Variants in COL9A1 observed in about 807,000 individuals in gnomAD.
COL9A1 encodes the protein collagen alpha-1(IX) chain.
Under a neutral mutation model 142.6 loss-of-function variants are expected in COL9A1, and 104 were observed. The ratio of observed to expected loss-of-function variants is 0.73; its 90% CI spans 0.62 to 0.86. The LOEUF is 0.86. Among genes scored for constraint, COL9A1 ranks in the 40% least tolerant of loss-of-function variants. The pLI is 0.00. For synonymous variants in COL9A1, 466 were observed against 396.0 expected, an observed-to-expected ratio of 1.18 and a Z score of -2.10; for missense variants, 1,210 against 1,176.6, an observed-to-expected ratio of 1.03 and a Z score of -0.42.
At chr6:70,231,002 A>G (rs538416330) in intron 36 of COL9A1, among the ~76,000 whole-genome samples, 1 of 152,302 alleles carries the variant, frequency 6.6e-6, no homozygotes, top group East Asian at 1.9e-4. Flanking sequence ...CCTATAAGTC[A>G]TTCCCTTTCA....
chr6:70,303,028 G>A lies in COL9A1; in HGVS notation c.-104C>T. On this transcript the variant is annotated 5_prime_UTR_variant, in exon 1 of 38. Coordinates refer to ENST00000357250, the MANE Select transcript of COL9A1 (RefSeq NM_001851.6). ...CCCTTCACTGTTACCCTAGGACTAT[G>A]TGTTCTGGGCCCAGCCTTGGTCCCT... 1 of 1,260,752 alleles carries A rather than the reference G, an allele frequency of 7.9e-7. No individual in the cohort carries two copies. The highest frequency in any genetic ancestry group is 2.3e-5 in the East Asian group (1 of 43,218). 78.1% of individuals were successfully genotyped at this position (1,260,752 alleles called of 1,614,324 possible).
intron 11 of COL9A1, among the ~76,000 whole-genome samples, chr6:70,274,406 C>G (rs1030613168): frequency 2.6e-5 from 4 of 152,046 alleles, no homozygotes; most frequent in Non-Finnish European, 4.4e-5. Flanking sequence ...TGTTCCCCTT[C>G]ATGTGTCCAT....
At chr6:70,272,436 T>C (rs1772468521) in intron 12 of COL9A1, among the ~76,000 whole-genome samples, 1 of 152,174 alleles carries the variant, frequency 6.6e-6, no homozygotes, top group South Asian at 2.1e-4. Context: ...ACAGATTTTA[T>C]TCATTTGTAG....
intron 19 of COL9A1, among the ~76,000 whole-genome samples, 197 bp downstream of exon 19, chr6:70,263,047 G>T (rs1337292077): frequency 6.6e-6 from 1 of 152,048 alleles, no homozygotes; most frequent in Admixed American, 6.6e-5. Flanking sequence ...TGTTAAAAAA[G>T]TGCTAGAATA....
chr6:70,293,135 T>C (rs147981416), intron 5 of COL9A1, among the ~76,000 whole-genome samples: 2 of 152,310 alleles, frequency 1.3e-5, no homozygotes, highest in Admixed American at 6.5e-5. Context: ...ATCACCCTGC[T>C]ACACTCCGTG....
At chr6:70,248,793 A>G (rs1770751354) in intron 28 of COL9A1, among the ~76,000 whole-genome samples, 1 of 152,188 alleles carries the variant, frequency 6.6e-6, no homozygotes. Context: ...GCGAGGTGGG[A>G]AACACAGCGG....
intron 14 of COL9A1, 81 bp from the exon 15 acceptor site, chr6:70,270,448 TG>T: frequency 1.5e-6 from 2 of 1,324,226 alleles, no homozygotes; most frequent in Non-Finnish European, 2.1e-6. Context: ...CATAAGAGAA[TG>T]GTATTACTGG....
At chr6:70,289,666 T>C (rs1773585242) in intron 5 of COL9A1, among the ~76,000 whole-genome samples, 1 of 152,232 alleles carries the variant, frequency 6.6e-6, no homozygotes, top group South Asian at 2.1e-4. Context: ...CTTTTTAATT[T>C]AATTTTTACT....
intron 4 of COL9A1, among the ~76,000 whole-genome samples, chr6:70,295,145 G>A (rs2127605612): frequency 6.6e-6 from 1 of 152,204 alleles, no homozygotes; most frequent in South Asian, 2.1e-4. Context: ...GACTTCAGGA[G>A]CTTCTTCACA....
chr6:70,293,631 TCACACACACACACACACACA>T lies in COL9A1; in HGVS notation c.696+516_696+535del, dbSNP rs3222430. On this transcript the variant is annotated intron_variant, in intron 5 of 37. Transcript: ENST00000357250. The stretch of plus-strand genomic sequence containing the variant: ...TCTCACCCTCCTCTCTCTCTCTCTT[TCACACACACACACACACACA>T]CACACACACACACACACACACACAT... Among the ~76,000 whole-genome samples, 6 of 137,870 alleles carry T rather than the reference TCACACACACACACACACACA, an allele frequency of 4.4e-5. No homozygotes were observed. In the East Asian group the frequency reaches 6.4e-4, roughly 15 times the overall value. The allele number at this position is 137,870 out of a possible 152,430, so 90.4% of individuals were successfully genotyped here.
intron 10 of COL9A1, chr6:70,280,267 C>G (rs1773061010): frequency 8.0e-7 from 1 of 1,249,772 alleles, no homozygotes; most frequent in Admixed American, 3.6e-5. Flanking sequence ...TTTTGAATTT[C>G]TAAATTCCCC....
intron 10 of COL9A1, among the ~76,000 whole-genome samples, chr6:70,278,773 C>T (rs1772926866): frequency 6.6e-6 from 1 of 152,144 alleles, no homozygotes. Flanking sequence ...CTTGAAATTG[C>T]TTTCTATGTT....
At chr6:70,278,441 G>T (rs1772908685) in intron 10 of COL9A1, among the ~76,000 whole-genome samples, 1 of 152,164 alleles carries the variant, frequency 6.6e-6, no homozygotes, top group African/African-American at 2.4e-5. Context: ...TACTTTCCAG[G>T]TTATTGTTGG....
intron 21 of COL9A1, among the ~76,000 whole-genome samples, 188 bp from the exon 22 acceptor site, chr6:70,255,578 A>T (rs1343743261): frequency 6.6e-6 from 1 of 152,230 alleles, no homozygotes; most frequent in Non-Finnish European, 1.5e-5. Flanking sequence ...GGATATTGCC[A>T]TAGAGATAAC....
intron 4 of COL9A1, among the ~76,000 whole-genome samples, chr6:70,299,104 A>G (rs1227420492): frequency 6.6e-6 from 1 of 152,190 alleles, no homozygotes; most frequent in African/African-American, 2.4e-5. Context: ...AAGAGCTCAT[A>G]TAATGTACTA....
intron 19 of COL9A1, among the ~76,000 whole-genome samples, chr6:70,261,588 G>T (rs374859096): frequency 6.6e-6 from 1 of 152,194 alleles, no homozygotes; most frequent in African/African-American, 2.4e-5. Context: ...GCAAGTCCAT[G>T]ACCAACTCTT....
At position 70,234,551 on chromosome 6, in the gene COL9A1, T is replaced by C. The variant is rs1191443057; in HGVS notation, c.2302A>G (p.Arg768Gly). The C allele has an allele frequency of 6.2e-7, 1 of 1,614,230 alleles. No individual in the cohort carries two copies. Among genetic ancestry groups the C allele is most frequent in the Admixed American group, 1.7e-5 (1 of 60,032 alleles). ...GTGATTTATTTACCTTGTATGACTC[T>C]CATGCAAACCTGCTTAATGTGCTGA... ...TDQHIKQVCM[R>G]VIQEHFAEMA... The change falls in exon 35 of 38, where the codon AGA becomes GGA. Residue 768 changes from arginine (R) to glycine (G), a missense_variant. Coordinates refer to ENST00000357250, the MANE Select transcript of COL9A1 (RefSeq NM_001851.6).
chr6:70,300,624 T>A (rs946255754), intron 2 of COL9A1, among the ~76,000 whole-genome samples: 1 of 152,154 alleles, frequency 6.6e-6, no homozygotes, highest in African/African-American at 2.4e-5. Context: ...ACGATTATAA[T>A]CTGTCCACCT....
intron 5 of COL9A1, among the ~76,000 whole-genome samples, chr6:70,290,990 C>CCT (rs1252662859): frequency 6.6e-6 from 1 of 152,088 alleles, no homozygotes; most frequent in Non-Finnish European, 1.5e-5. Flanking sequence ...AGTTCTTCTG[C>CCT]CTCTCAGAAT....
Sources: allele counts gnomAD v4.1 joint callset (sites outside exome capture counted in the v4.1 genomes callset), GRCh38; gene constraint gnomAD v4.1.1; transcripts MANE v1.5; gene names NCBI Gene and HGNC (gene_info 2026-07-23, HGNC 2026-07-21).